MVB12B: variants seen among roughly 807,000 people sequenced by gnomAD.
MVB12B encodes ESCRT-I complex subunit MVB12B.
Under a neutral mutation model 41.6 loss-of-function variants are expected in MVB12B, and 16 were observed. The ratio of observed to expected loss-of-function variants is 0.38; its 90% confidence interval spans 0.26 to 0.58. MVB12B has a LOEUF of 0.58. Among genes scored for constraint, MVB12B ranks in the 20% least tolerant of loss-of-function variants. The pLI is 0.62. For synonymous variants in MVB12B, 133 were observed against 139.7 expected (o/e 0.95, Z 0.34); for missense variants, 274 against 380.2 (o/e 0.72, Z 2.32).
chr9:126,488,344 CAAAAA>C (rs60489071), intron 9 of MVB12B, among the ~76,000 whole-genome samples: 27,148 of 132,234 alleles, frequency 0.21, 2,886 homozygotes, highest in African/African-American at 0.31. Flanking sequence ...ACCATTAAAC[CAAAAA>C]AAAAAAAAAA....
chr9:126,459,878 C>T lies in MVB12B; in HGVS notation c.758-21491C>T, dbSNP rs541846290. ...GAGGGAGAGAAAGGGCTCCGGGGCTCAGTAATGGTTTTCACAGGCGGGTTT... is the reference window on the plus strand; with the variant it reads ...GAGGGAGAGAAAGGGCTCCGGGGCTTAGTAATGGTTTTCACAGGCGGGTTT... On this transcript the variant is annotated intron_variant, in intron 7 of 9. Coordinates refer to ENST00000361171, the MANE Select transcript of MVB12B (RefSeq NM_033446.3). The surrounding 1 kb of genome is among the most constrained non-coding windows in gnomAD (Gnocchi z 4.3). Among the ~76,000 whole-genome samples the T allele has an allele frequency of 1.6e-4, 25 of 152,282 alleles. No homozygotes were observed. The highest frequency in any genetic ancestry group is 5.8e-4 in the African/African-American group (24 of 41,552).
intron 6 of MVB12B, chr9:126,397,255 A>G (rs1831142829): frequency 1.0e-6 from 1 of 985,292 alleles, no homozygotes; most frequent in Admixed American, 6.1e-5. Flanking sequence ...TTCTGTGGTT[A>G]AAGAAAGAAC....
In MVB12B at chr9:126,421,880, C is replaced by A; in HGVS notation, c.689C>A (p.Thr230Asn). 1 of 1,614,050 alleles carries A rather than the reference C, an allele frequency of 6.2e-7. No individual in the cohort carries two copies. The highest frequency in any genetic ancestry group is 8.5e-7 in the Non-Finnish European group (1 of 1,179,944). ...PRHISLTLPA[T>N]FRGRNSTRTD... ...CACATCTCCCTAACACTTCCTGCCACCTTCCGAGGCAGGAACAGCACCCGG... is the reference window on the plus strand; with the variant it reads ...CACATCTCCCTAACACTTCCTGCCAACTTCCGAGGCAGGAACAGCACCCGG... Residue 230 changes from threonine (T) to asparagine (N), a missense_variant, in exon 7 of 10, where the codon ACC (threonine) becomes AAC (asparagine). Coordinates refer to ENST00000361171, the MANE Select transcript of MVB12B (RefSeq NM_033446.3).
chr9:126,499,326 G>A (rs1249036163), intron 9 of MVB12B, among the ~76,000 whole-genome samples: 7 of 152,146 alleles, frequency 4.6e-5, no homozygotes, highest in Non-Finnish European at 8.8e-5. Flanking sequence ...CCTCAGGCCC[G>A]GGCTGCCCAG....
chr9:126,424,392 T>G (rs1019074586), intron 7 of MVB12B, among the ~76,000 whole-genome samples: 31 of 152,214 alleles, frequency 2.0e-4, no homozygotes, highest in African/African-American at 7.2e-4. Flanking sequence ...CACAAAGCAG[T>G]GCTCATGATG....
chr9:126,499,325 C>T (rs1424282093), intron 9 of MVB12B, among the ~76,000 whole-genome samples: 2 of 152,002 alleles, frequency 1.3e-5, no homozygotes, highest in African/African-American at 4.8e-5. Context: ...GCCTCAGGCC[C>T]GGGCTGCCCA....
intron 9 of MVB12B, among the ~76,000 whole-genome samples, chr9:126,500,569 A>G (rs1295871036): frequency 6.6e-6 from 1 of 152,214 alleles, no homozygotes; most frequent in Non-Finnish European, 1.5e-5. Context: ...GCAGATTCTC[A>G]GGCCTGGCCC....
Position 126,435,189 on chromosome 9 carries a change from G to A in MVB12B, c.757+13241G>A, listed in dbSNP as rs554433431. The stretch of plus-strand genomic sequence containing the variant: ...AGTACCAAGAGGGCACTCCAGAAGT[G>A]GAGCTGCTATAACTGCCGTAAATAT... On this transcript the variant is annotated intron_variant, in intron 7 of 9. Coordinates refer to ENST00000361171, the MANE Select transcript of MVB12B (RefSeq NM_033446.3). 1.1e-4 allele frequency among the ~76,000 whole-genome samples: 16 copies of A among 152,186 alleles called. No individual in the cohort carries two copies. In the East Asian group the frequency reaches 2.1e-3, roughly 20 times the overall value.
At chr9:126,411,501 T>A (rs760535624) in intron 6 of MVB12B, among the ~76,000 whole-genome samples, 1 of 152,274 alleles carries the variant, frequency 6.6e-6, no homozygotes, top group Non-Finnish European at 1.5e-5. Context: ...CATGGGCCTG[T>A]GTTCACTGGG....
At chr9:126,458,205 C>T (rs1161887052) in intron 7 of MVB12B, among the ~76,000 whole-genome samples, 2 of 152,156 alleles carry the variant, frequency 1.3e-5, no homozygotes, top group African/African-American at 2.4e-5. Context: ...GTTACTCGCC[C>T]ACCAGGTCAC....
At chr9:126,419,732 T>G (rs1023628959) in intron 6 of MVB12B, among the ~76,000 whole-genome samples, 4 of 152,116 alleles carry the variant, frequency 2.6e-5, no homozygotes, top group Non-Finnish European at 5.9e-5. Flanking sequence ...TTCCCAGACC[T>G]GGCCAGTCTT....
chr9:126,502,541 C>CG (rs1440114839), intron 9 of MVB12B, among the ~76,000 whole-genome samples: 1 of 150,818 alleles, frequency 6.6e-6, no homozygotes, highest in African/African-American at 2.5e-5. Context: ...GGAAGGTCCC[C>CG]CCACCGGGCA....
At chr9:126,406,021 T>C (rs1328156592) in intron 6 of MVB12B, among the ~76,000 whole-genome samples, 1 of 151,240 alleles carries the variant, frequency 6.6e-6, no homozygotes, top group Non-Finnish European at 1.5e-5. Flanking sequence ...AATTGTGTCC[T>C]CATTTTATTT....
At chr9:126,350,731 A>G (rs1440374268) in intron 2 of MVB12B, among the ~76,000 whole-genome samples, 1 of 152,078 alleles carries the variant, frequency 6.6e-6, no homozygotes, top group Non-Finnish European at 1.5e-5. Flanking sequence ...TGATCCAATC[A>G]CCTCTTAAAG....
At chr9:126,414,745 G>A (rs774185533) in intron 6 of MVB12B, among the ~76,000 whole-genome samples, 5 of 151,890 alleles carry the variant, frequency 3.3e-5, no homozygotes, top group African/African-American at 4.8e-5. Context: ...GGTCAACTTC[G>A]GGCCCACTAA....
chr9:126,342,806 T>C (rs1829484009), intron 2 of MVB12B, among the ~76,000 whole-genome samples: 1 of 152,206 alleles, frequency 6.6e-6, no homozygotes, highest in Admixed American at 6.5e-5. Flanking sequence ...TGGAGTTTCA[T>C]ATTAAGTCAA....
In MVB12B at chr9:126,386,947, T is replaced by G. The variant is rs929757317; in HGVS notation, c.409+289T>G. 6.6e-6 allele frequency among the ~76,000 whole-genome samples: 1 copy of G among 152,138 alleles called. No homozygotes were observed. The highest frequency in any genetic ancestry group is 2.4e-5 in the African/African-American group (1 of 41,414). On this transcript the variant is annotated intron_variant, in intron 4 of 9. Transcript: ENST00000361171. This position sits in a 1 kb window ranked among gnomAD's most constrained non-coding sequence, Gnocchi z 4.3. ...AATGGAATGGTGAAACTATACAGTT[T>G]GTCTTTAGTCCTTCCTCTGGTGTTG...
Position 126,486,676 on chromosome 9 carries a change from T to C in MVB12B, c.873+2644T>C, listed in dbSNP as rs1833624684. Among the ~76,000 whole-genome samples the C allele has an allele frequency of 6.6e-6, 1 of 152,212 alleles. No homozygotes were observed. The highest frequency in any genetic ancestry group is 2.4e-5 in the African/African-American group (1 of 41,458). The stretch of plus-strand genomic sequence containing the variant: ...GTGCTCAGCCTGGGGCCTGAGGCTT[T>C]CCATACGTGATCACTGGTTCCTACC... On this transcript the variant is annotated intron_variant, in intron 9 of 9. Transcript: ENST00000361171. This position sits in a 1 kb window ranked among gnomAD's most constrained non-coding sequence, Gnocchi z 4.7.
At chr9:126,475,437 A>G (rs1000638374) in intron 7 of MVB12B, among the ~76,000 whole-genome samples, 1 of 152,262 alleles carries the variant, frequency 6.6e-6, no homozygotes, top group Non-Finnish European at 1.5e-5. Context: ...CATCTTGTGT[A>G]CATGGATAAC....
Sources: gnomAD v4.1 joint callset for allele counts (sites outside exome capture counted in the v4.1 genomes callset) on GRCh38, gnomAD v4.1.1 for gene constraint, Gnocchi (gnomAD v3.1) non-coding constraint, MANE v1.5 for transcripts, NCBI Gene and HGNC (gene_info 2026-07-23, HGNC 2026-07-21) for gene names.